Variants in AZIN2 observed in about 807,000 individuals in gnomAD.
The protein encoded by AZIN2 is ODC antizyme inhibitor-2.
In AZIN2, 28 loss-of-function variants were observed where a neutral mutation model predicts 47.8. The observed-to-expected ratio is 0.59, with a 90% CI of 0.43 to 0.80. The LOEUF (loss-of-function observed/expected upper bound fraction) is 0.80, where lower values mean the gene tolerates loss of function less well. Ranked by LOEUF, AZIN2 falls within the 30% of genes least tolerant of loss-of-function variation. The pLI is 0.00. For missense variants in AZIN2, 535 were observed against 582.5 expected (o/e 0.92, Z 0.84); for synonymous variants, 221 against 239.4 (o/e 0.92, Z 0.71).
chr1:33,150,111 A>G, the AZIN2 span, among the ~76,000 whole-genome samples: 1 of 152,254 alleles, frequency 6.6e-6, no homozygotes, highest in Non-Finnish European at 1.5e-5. Context: ...CCAGAGGAGA[A>G]GGAGGAAACT....
intron 9 of AZIN2, chr1:33,097,095 A>T (rs1643237412): frequency 3.5e-6 from 2 of 571,884 alleles, no homozygotes; most frequent in South Asian, 4.1e-5. Flanking sequence ...TGAGAGCAAA[A>T]CAACCTTAGA....
chr1:33,159,976 G>C, the AZIN2 span: 4 of 1,587,992 alleles, frequency 2.5e-6, no homozygotes, highest in South Asian at 2.2e-5. This position sits in a 1 kb window ranked among gnomAD's most constrained non-coding sequence, Gnocchi z 4.2. Flanking sequence ...GGTTATGGCT[G>C]GGGGAGCAGA....
the AZIN2 span, among the ~76,000 whole-genome samples, chr1:33,160,636 G>A: frequency 2.0e-5 from 3 of 151,832 alleles, no homozygotes; most frequent in Non-Finnish European, 4.4e-5. Flanking sequence ...AACACCTGAC[G>A]TTAGGTGATC....
downstream of AZIN2, among the ~76,000 whole-genome samples, chr1:33,125,154 G>C (rs1026869147): frequency 4.6e-5 from 7 of 152,156 alleles, no homozygotes; most frequent in African/African-American, 1.7e-4. Context: ...CTCTCACCTA[G>C]GAAACCCACC....
chr1:33,088,497 A>G (rs929744583), intron 5 of AZIN2, among the ~76,000 whole-genome samples: 1 of 152,196 alleles, frequency 6.6e-6, no homozygotes, highest in African/African-American at 2.4e-5. Context: ...TGTAGACCTT[A>G]TATTTAAAAT....
At chr1:33,097,079 G>A in intron 9 of AZIN2, 1 of 603,576 alleles carries the variant, frequency 1.7e-6, no homozygotes, top group Non-Finnish European at 2.9e-6. Flanking sequence ...CATATTTTGT[G>A]AAGATTGAGA....
the AZIN2 span, among the ~76,000 whole-genome samples, chr1:33,138,045 C>T: frequency 6.6e-6 from 1 of 152,150 alleles, no homozygotes; most frequent in African/African-American, 2.4e-5. Flanking sequence ...GCATAACCAT[C>T]AGTGGGGTGC....
chr1:33,092,039 G>A lies in AZIN2; in HGVS notation c.280-11G>A, dbSNP rs1642607573. The A allele has an allele frequency of 6.2e-7, 1 of 1,611,602 alleles. No individual in the cohort carries two copies. On this transcript the variant is annotated splice_polypyrimidine_tract_variant and intron_variant, in intron 5 of 11. Transcript: ENST00000294517. Reference sequence around the variant, plus strand: ...TGGTGCCTCCTTACAACCACCTTTGGGGCCCCATAGGCAGAGATGGAGTTG... The same window carrying A: ...TGGTGCCTCCTTACAACCACCTTTGAGGCCCCATAGGCAGAGATGGAGTTG...
rs1643205829 is a variant in AZIN2 at position 33,096,817 on chromosome 1, A to G, written c.864A>G (p.Ala288=). The change falls in exon 9 of 12, where the codon GCA becomes GCG. Residue 288 remains alanine, a synonymous_variant. Coordinates refer to ENST00000294517, the MANE Select transcript of AZIN2 (RefSeq NM_052998.4). The part of the protein sequence containing the change: ...RYYVTSAFTV[A]VSIIAKKEVL... ...ACGTGACCTCGGCCTTCACTGTGGC[A>G]GTCAGCATCATTGCCAAGAAGGAGG... 1 of 1,614,076 alleles carries G rather than the reference A, an allele frequency of 6.2e-7. No homozygotes were observed. The highest frequency in any genetic ancestry group is 1.7e-5 in the Admixed American group (1 of 60,004).
chr1:33,105,829 G>A (rs1643976591), intron 10 of AZIN2, among the ~76,000 whole-genome samples: 1 of 152,174 alleles, frequency 6.6e-6, no homozygotes, highest in African/African-American at 2.4e-5. Flanking sequence ...TCAAGAGGAG[G>A]CAAGTATCAT....
chr1:33,164,803 G>T, the AZIN2 span: 1 of 151,798 alleles, frequency 6.6e-6, no homozygotes. Context: ...TTTAGAGACA[G>T]GGTATCACTC....
chr1:33,137,716 C>G, the AZIN2 span, among the ~76,000 whole-genome samples: 4 of 152,190 alleles, frequency 2.6e-5, no homozygotes, highest in African/African-American at 9.7e-5. Context: ...AACCAGAAAA[C>G]TTTCAAGTGG....
At chr1:33,158,648 G>T in the AZIN2 span, among the ~76,000 whole-genome samples, 3 of 152,136 alleles carry the variant, frequency 2.0e-5, no homozygotes, top group African/African-American at 7.2e-5. Context: ...CACAGTGCTC[G>T]GTCACGGTCA....
chr1:33,117,759 G>A (rs537654651), intron 10 of AZIN2, 143 bp from the exon 11 acceptor site: 2 of 896,662 alleles, frequency 2.2e-6, no homozygotes, highest in East Asian at 2.4e-5. Flanking sequence ...AGAGAAGTGG[G>A]AAGGGCCTTA....
At chr1:33,125,120 G>A (rs996806906), downstream of AZIN2, among the ~76,000 whole-genome samples, 5 of 152,268 alleles carry the variant, frequency 3.3e-5, no homozygotes, top group Admixed American at 6.5e-5. Flanking sequence ...AGAGGGAGAT[G>A]GTGGCTCTCT....
intron 10 of AZIN2, among the ~76,000 whole-genome samples, chr1:33,102,341 C>T (rs1248370365): frequency 6.6e-6 from 1 of 152,218 alleles, no homozygotes; most frequent in Non-Finnish European, 1.5e-5. Context: ...TGTTCCCCTT[C>T]ATGTCTGAAT....
At chr1:33,136,040 A>G in the AZIN2 span, among the ~76,000 whole-genome samples, 2 of 151,814 alleles carry the variant, frequency 1.3e-5, no homozygotes, top group Non-Finnish European at 2.9e-5. Context: ...TGTCTGAGCA[A>G]ACATGGCCTT....
At chr1:33,158,189 A>G in the AZIN2 span, 1 of 1,472,956 alleles carries the variant, frequency 6.8e-7, no homozygotes, top group Non-Finnish European at 9.5e-7. Flanking sequence ...TGTTTAGGAC[A>G]GGGGGCTGGG....
intron 8 of AZIN2, among the ~76,000 whole-genome samples, chr1:33,095,203 C>T (rs1643015082): frequency 6.6e-6 from 1 of 152,214 alleles, no homozygotes; most frequent in African/African-American, 2.4e-5. Flanking sequence ...GTCGCCTCTT[C>T]TTGGAAGGCG....
Sources: allele counts gnomAD v4.1 joint callset (sites outside exome capture counted in the v4.1 genomes callset), GRCh38; gene constraint gnomAD v4.1.1; non-coding constraint Gnocchi (gnomAD v3.1); transcripts MANE v1.5; gene names NCBI Gene and HGNC (gene_info 2026-07-23, HGNC 2026-07-21).